The following COBL variants were observed in gnomAD, a reference collection of about 807,000 sequenced individuals.
COBL encodes protein cordon-bleu.
A neutral mutation model predicts 98.8 loss-of-function variants in COBL; 51 were observed. The ratio of observed to expected loss-of-function variants is 0.52; its 90% CI spans 0.41 to 0.65. The LOEUF is 0.65. COBL is among the 30% of genes least tolerant of loss of function. The probability of loss-of-function intolerance (pLI) is 0.00; values close to 1 mark genes in which losing one functional copy is unlikely to be tolerated. For missense variants in COBL, 1,617 were observed against 1,617.5 expected (o/e 1.00, Z 0.01); for synonymous variants, 634 against 651.7 (o/e 0.97, Z 0.41).
intron 6 of COBL, among the ~76,000 whole-genome samples, chr7:51,091,784 T>C (rs1019609175): frequency 6.6e-6 from 1 of 152,064 alleles, no homozygotes; most frequent in African/African-American, 2.4e-5. Context: ...GCAAGAGAAA[T>C]TGATTCATCA....
intron 1 of COBL, among the ~76,000 whole-genome samples, chr7:51,301,144 G>A (rs1004091341): frequency 2.0e-5 from 3 of 152,098 alleles, no homozygotes; most frequent in Admixed American, 1.3e-4. Flanking sequence ...CCCCTCCACC[G>A]GCTCCCTCCG....
intron 12 of COBL, among the ~76,000 whole-genome samples, chr7:51,020,620 A>G (rs1412678343): frequency 6.6e-6 from 1 of 152,252 alleles, no homozygotes; most frequent in East Asian, 1.9e-4. Context: ...TTTGCCTTTA[A>G]TAAGAACGCA....
intron 5 of COBL, among the ~76,000 whole-genome samples, chr7:51,165,488 GA>G (rs940677981): frequency 6.6e-6 from 1 of 151,994 alleles, no homozygotes; most frequent in African/African-American, 2.4e-5. Context: ...TAGAGCTAAA[GA>G]GAGAGATAGG....
At chr7:51,093,982 C>T (rs1795053762) in intron 6 of COBL, among the ~76,000 whole-genome samples, 2 of 148,762 alleles carry the variant, frequency 1.3e-5, no homozygotes, top group African/African-American at 4.9e-5. Flanking sequence ...TTTTTATATA[C>T]ATATATATAT....
In COBL at chr7:51,029,235, C is replaced by T; in HGVS notation, c.1861G>A (p.Asp621Asn). 3 of 1,613,770 alleles carry T rather than the reference C, an allele frequency of 1.9e-6. No individual in the cohort carries two copies. Among genetic ancestry groups the T allele is most frequent in the East Asian group, 2.2e-5 (1 of 44,870 alleles). ...GGCGCCGTTTCCATTAGATTCCCAT[C>T]TTTAGAGATGTTAGATAAGGCCACA... The part of the protein sequence containing the change: ...IRVALSNISK[D>N]GNLMETAPRV... The change falls in exon 10 of 13, where the codon GAT becomes AAT. Residue 621 changes from aspartate (D) to asparagine (N), a missense_variant. Coordinates refer to ENST00000265136, the MANE Select transcript of COBL (RefSeq NM_015198.5).
Position 51,081,094 on chromosome 7 carries a change from GGAGCGGGGCA to G in COBL, c.1096+4062_1096+4071del, listed in dbSNP as rs545250940. On this transcript the variant is annotated intron_variant, in intron 7 of 12. Transcript: ENST00000265136. ...CGCTGGCAGCCAGGAGCGCGGGGCAGGAGCGGGGCAGGAGAGGGAGGGGAGACTCTGAGTC... is the reference window on the plus strand; with the variant it reads ...CGCTGGCAGCCAGGAGCGCGGGGCAGGGAGAGGGAGGGGAGACTCTGAGTC... Among the ~76,000 whole-genome samples the G allele has an allele frequency of 3.8e-3, 571 of 152,248 alleles. 4 individuals carry two copies. The highest frequency in any genetic ancestry group is 0.013 in the African/African-American group (558 of 41,542).
chr7:51,262,443 C>G (rs1436244587), intron 1 of COBL, among the ~76,000 whole-genome samples: 2 of 152,182 alleles, frequency 1.3e-5, no homozygotes, highest in Non-Finnish European at 2.9e-5. Context: ...ACCATACAAA[C>G]AGTTCCACAG....
intron 1 of COBL, among the ~76,000 whole-genome samples, chr7:51,226,691 C>G (rs1459659963): frequency 6.6e-6 from 1 of 152,148 alleles, no homozygotes; most frequent in Non-Finnish European, 1.5e-5. Flanking sequence ...CAGCTGAGTG[C>G]TACCGCAGCC....
chr7:51,275,353 G>A (rs1024858581), intron 1 of COBL, among the ~76,000 whole-genome samples: 4 of 152,316 alleles, frequency 2.6e-5, no homozygotes, highest in African/African-American at 9.6e-5. Flanking sequence ...TGCCAGTAAT[G>A]CTGTGCGAAA....
Position 51,139,721 on chromosome 7 carries a change from G to A in COBL, c.784-3390C>T, listed in dbSNP as rs554517456. Among the ~76,000 whole-genome samples the A allele has an allele frequency of 1.6e-4, 24 of 152,304 alleles. No individual in the cohort carries two copies. The South Asian group carries it at 4.8e-3, about 30-fold the overall frequency. On this transcript the variant is annotated intron_variant, in intron 5 of 12. Transcript: ENST00000265136. ...TCTTCTTTCCCTACTTTTGGAATTT[G>A]TGCGCAGAATTTAGAAAGCAATCCA...
At chr7:51,276,543 T>C (rs1034286871) in intron 1 of COBL, among the ~76,000 whole-genome samples, 1 of 152,180 alleles carries the variant, frequency 6.6e-6, no homozygotes, top group Non-Finnish European at 1.5e-5. Flanking sequence ...GTCCTTGTCA[T>C]TTATCGTTCA....
intron 1 of COBL, among the ~76,000 whole-genome samples, chr7:51,310,770 T>G (rs544249143): frequency 1.5e-4 from 23 of 151,824 alleles, no homozygotes; most frequent in Non-Finnish European, 1.9e-4. Context: ...GCGATTCTCC[T>G]GCCTCAGCCT....
At position 51,017,178 on chromosome 7, in the gene COBL, A is replaced by G. The variant is rs534934308; in HGVS notation, c.*373T>C. On this transcript the variant is annotated 3_prime_UTR_variant, in exon 13 of 13. Coordinates refer to ENST00000265136, the MANE Select transcript of COBL (RefSeq NM_015198.5). Reference sequence around the variant, plus strand: ...GTAGTTTCATCCATCTGTATGTGGTAAAAGTCTCAAAGGTCCAAAATCAGT... The same window carrying G: ...GTAGTTTCATCCATCTGTATGTGGTGAAAGTCTCAAAGGTCCAAAATCAGT... The G allele has an allele frequency of 4.6e-5, 22 of 481,958 alleles. No homozygotes were observed. The South Asian group carries it at 1.0e-3, about 23-fold the overall frequency. The allele number at this position is 481,958 out of a possible 1,614,324, so 29.9% of individuals were successfully genotyped here. A position where few individuals can be genotyped will look rare whatever the true frequency, so the allele number is the denominator to read the frequency against.
chr7:51,063,496 T>G (rs1429338840), intron 7 of COBL, among the ~76,000 whole-genome samples: 1 of 152,244 alleles, frequency 6.6e-6, no homozygotes, highest in Non-Finnish European at 1.5e-5. Flanking sequence ...TCTGACTTTT[T>G]AAAAATGAGG....
chr7:51,075,272 T>C (rs1221673106), intron 7 of COBL, among the ~76,000 whole-genome samples: 1 of 152,226 alleles, frequency 6.6e-6, no homozygotes, highest in Non-Finnish European at 1.5e-5. Context: ...ACAAGACCAA[T>C]CAATATCTGA....
At chr7:51,311,959 C>T (rs1008357960) in intron 1 of COBL, among the ~76,000 whole-genome samples, 1 of 151,310 alleles carries the variant, frequency 6.6e-6, no homozygotes, top group East Asian at 1.9e-4. Flanking sequence ...AATTAACCAA[C>T]GCATAAAACC....
chr7:51,096,071 CTA>C (rs1795247582), intron 6 of COBL, among the ~76,000 whole-genome samples: 1 of 152,096 alleles, frequency 6.6e-6, no homozygotes, highest in Non-Finnish European at 1.5e-5. Flanking sequence ...TTCTCTGTCT[CTA>C]TGTTATATAG....
intron 4 of COBL, among the ~76,000 whole-genome samples, chr7:51,186,864 T>C (rs1051143584): frequency 6.6e-6 from 1 of 152,108 alleles, no homozygotes; most frequent in African/African-American, 2.4e-5. Flanking sequence ...CAGCCAAAAT[T>C]TCCAGAGGCT....
chr7:51,219,800 G>A lies in COBL; in HGVS notation c.186C>T (p.Thr62=). ...VRMKEALRAS[T]MDVTVVLPSG... Reference sequence around the variant, plus strand: ...TAGGCAGGACCACGGTGACGTCCATGGTGCTGGCCCTCAGCGCCTCCTTCA... The same window carrying A: ...TAGGCAGGACCACGGTGACGTCCATAGTGCTGGCCCTCAGCGCCTCCTTCA... Residue 62 remains threonine, a synonymous_variant, in exon 2 of 13, where the codon ACC becomes ACT. Coordinates refer to ENST00000265136, the MANE Select transcript of COBL (RefSeq NM_015198.5). 1.2e-6 allele frequency: 2 copies of A among 1,614,136 alleles called. No homozygotes were observed. Among genetic ancestry groups the A allele is most frequent in the Non-Finnish European group, 1.7e-6 (2 of 1,180,036 alleles).
Sources: gnomAD v4.1 joint callset for allele counts (sites outside exome capture counted in the v4.1 genomes callset) on GRCh38, gnomAD v4.1.1 for gene constraint, MANE v1.5 for transcripts, NCBI Gene and HGNC (gene_info 2026-07-23, HGNC 2026-07-21) for gene names.